The following CLASP2 variants were observed in gnomAD, a reference collection of about 807,000 sequenced individuals.
The protein encoded by CLASP2 is cytoplasmic linker associated protein 2.
CLASP2 carries 47 observed loss-of-function variants against 194.4 expected under a neutral mutation model. That is an observed-to-expected ratio of 0.24 (90% CI 0.19 to 0.31). CLASP2 has a LOEUF of 0.31. Ranked by LOEUF, CLASP2 falls within the 10% of genes least tolerant of loss-of-function variation. CLASP2 has a pLI of 1.00. For missense variants in CLASP2, 1,445 were observed against 1,823.6 expected, an observed-to-expected ratio of 0.79 and a Z score of 3.78; for synonymous variants, 619 against 633.5, an observed-to-expected ratio of 0.98 and a Z score of 0.34.
At chr3:33,518,453 C>T (rs1161045448) in intron 34 of CLASP2, among the ~76,000 whole-genome samples, 1 of 152,174 alleles carries the variant, frequency 6.6e-6, no homozygotes, top group East Asian at 1.9e-4. Flanking sequence ...AGGTAGTGCC[C>T]TGGGCTTGGG....
At chr3:33,628,340 C>A (rs1166821087) in intron 9 of CLASP2, among the ~76,000 whole-genome samples, 2 of 152,144 alleles carry the variant, frequency 1.3e-5, no homozygotes, top group Non-Finnish European at 2.9e-5. Flanking sequence ...GAACCTTCTT[C>A]CACCCCTAAT....
intron 29 of CLASP2, chr3:33,558,814 G>A (rs1040975930): frequency 3.9e-5 from 6 of 154,278 alleles, no homozygotes; most frequent in South Asian, 3.9e-4. Context: ...TAAAATACCC[G>A]TTAAAATGCC....
chr3:33,575,291 A>T lies in CLASP2; in HGVS notation c.2454+878T>A, dbSNP rs538824480. 1.9e-4 allele frequency among the ~76,000 whole-genome samples: 29 copies of T among 152,316 alleles called. 1 individual carries two copies. The South Asian group carries it at 4.6e-3, about 24-fold the overall frequency. ...AGAACTACACGTGTGATATTCAATAAATTATAGCTATTACCAATGAATATT... is the reference window on the plus strand; with the variant it reads ...AGAACTACACGTGTGATATTCAATATATTATAGCTATTACCAATGAATATT... On this transcript the variant is annotated intron_variant, in intron 24 of 38. Transcript: ENST00000682230.
At chr3:33,690,169 T>C (rs1559650098) in intron 2 of CLASP2, among the ~76,000 whole-genome samples, 1 of 152,120 alleles carries the variant, frequency 6.6e-6, no homozygotes, top group Non-Finnish European at 1.5e-5. Flanking sequence ...AACTAAATAT[T>C]ATTTTTCTCA....
intron 1 of CLASP2, among the ~76,000 whole-genome samples, chr3:33,700,433 A>C (rs763249334): frequency 6.6e-6 from 1 of 152,172 alleles, no homozygotes; most frequent in Admixed American, 6.6e-5. Context: ...TCAAACAAAC[A>C]AACAAAAAAA....
chr3:33,565,368 A>G (rs911149682), intron 27 of CLASP2, among the ~76,000 whole-genome samples: 2 of 151,924 alleles, frequency 1.3e-5, no homozygotes, highest in African/African-American at 4.8e-5. Context: ...TTTAGTAGAG[A>G]TAGGGTTTCA....
chr3:33,667,074 T>C (rs916342322), intron 6 of CLASP2, among the ~76,000 whole-genome samples: 9 of 152,076 alleles, frequency 5.9e-5, no homozygotes, highest in African/African-American at 1.9e-4. Flanking sequence ...TACTATTGAG[T>C]TGTAAAGAGC....
chr3:33,559,451 G>C, intron 28 of CLASP2, 66 bp from the exon 29 acceptor site: 1 of 871,784 alleles, frequency 1.1e-6, no homozygotes, highest in South Asian at 1.5e-5. Context: ...AACAGCAAAA[G>C]ACTATGCTTA....
intron 8 of CLASP2, among the ~76,000 whole-genome samples, chr3:33,636,300 T>C (rs936966400): frequency 6.6e-6 from 1 of 152,170 alleles, no homozygotes; most frequent in African/African-American, 2.4e-5. Flanking sequence ...CGGAATCTAC[T>C]TGTTACTTGA....
chr3:33,622,737 T>C (rs904252461), intron 10 of CLASP2, among the ~76,000 whole-genome samples: 5 of 152,188 alleles, frequency 3.3e-5, no homozygotes, highest in African/African-American at 1.2e-4. Context: ...ACCATCACTA[T>C]CTACTAAGGG....
At chr3:33,525,488 C>T (rs1298107064) in intron 34 of CLASP2, among the ~76,000 whole-genome samples, 1 of 151,988 alleles carries the variant, frequency 6.6e-6, no homozygotes. Context: ...GACAGGACAG[C>T]AGCCCACTAG....
intron 16 of CLASP2, among the ~76,000 whole-genome samples, chr3:33,604,905 T>C (rs577922552): frequency 6.6e-6 from 1 of 152,180 alleles, no homozygotes; most frequent in Non-Finnish European, 1.5e-5. Context: ...CACTAGCACA[T>C]AGGCAACTCA....
chr3:33,666,704 A>G (rs752863453), intron 6 of CLASP2, among the ~76,000 whole-genome samples: 16 of 152,284 alleles, frequency 1.1e-4, no homozygotes, highest in Middle Eastern at 6.8e-3. Context: ...GAATGTTTTC[A>G]TATCACTTGC....
At chr3:33,586,410 G>C (rs1314340125) in intron 21 of CLASP2, among the ~76,000 whole-genome samples, 1 of 152,168 alleles carries the variant, frequency 6.6e-6, no homozygotes, top group East Asian at 1.9e-4. Context: ...TGGGATTACA[G>C]GCCTGAGCCA....
intron 8 of CLASP2, among the ~76,000 whole-genome samples, chr3:33,635,704 C>G (rs1296967735): frequency 6.6e-6 from 1 of 152,098 alleles, no homozygotes; most frequent in African/African-American, 2.4e-5. Flanking sequence ...AATGCAGAGA[C>G]AATGGATTAT....
Position 33,689,776 on chromosome 3 carries a change from T to C in CLASP2, c.378+53A>G, listed in dbSNP as rs2091136494. 4.0e-6 allele frequency: 5 copies of C among 1,263,080 alleles called. No homozygotes were observed. The East Asian group carries it at 1.0e-4, about 26-fold the overall frequency. 78.2% of individuals were successfully genotyped at this position (1,263,080 alleles called of 1,614,324 possible). ...GTGTTCATGCTTGCTGTGGCTTTAA[T>C]GATTTCCTGTGATTACCATTAGCAA... On this transcript the variant is annotated intron_variant, in intron 3 of 38. Transcript: ENST00000682230.
chr3:33,600,089 T>G (rs2071628977), intron 18 of CLASP2, among the ~76,000 whole-genome samples: 1 of 150,612 alleles, frequency 6.6e-6, no homozygotes, highest in South Asian at 2.1e-4. Context: ...ATATTTTTTT[T>G]GTGTGTGTGT....
intron 34 of CLASP2, among the ~76,000 whole-genome samples, chr3:33,527,526 TTCTACCAG>T (rs2054911316): frequency 6.6e-6 from 1 of 152,186 alleles, no homozygotes; most frequent in African/African-American, 2.4e-5. Flanking sequence ...CACAGCTGAA[TTCTACCAG>T]ATGTACAAAT....
At chr3:33,671,226 C>T (rs1421218267) in intron 6 of CLASP2, among the ~76,000 whole-genome samples, 1 of 152,100 alleles carries the variant, frequency 6.6e-6, no homozygotes, top group Non-Finnish European at 1.5e-5. Flanking sequence ...TAAAAGAGAC[C>T]TACTCACAGG....
Sources: allele counts gnomAD v4.1 joint callset (sites outside exome capture counted in the v4.1 genomes callset), GRCh38; gene constraint gnomAD v4.1.1; transcripts MANE v1.5; gene names NCBI Gene and HGNC (gene_info 2026-07-23, HGNC 2026-07-21).